The following ERCC6L2 variants were observed in gnomAD, a reference collection of about 807,000 sequenced individuals.
ERCC6L2 encodes ERCC excision repair 6 like 2, also known as DNA excision repair protein ERCC-6-like 2.
ERCC6L2 carries 77 observed loss-of-function variants against 132.0 expected under a neutral mutation model. The observed-to-expected ratio is 0.58, with a 90% CI of 0.49 to 0.71. ERCC6L2 has a LOEUF of 0.71. ERCC6L2 is among the 30% of genes least tolerant of loss of function. ERCC6L2 has a pLI of 0.00. For missense variants in ERCC6L2, 1,542 were observed against 1,837.6 expected, an observed-to-expected ratio of 0.84 and a Z score of 2.94; for synonymous variants, 583 against 632.4, an observed-to-expected ratio of 0.92 and a Z score of 1.17.
intron 2 of ERCC6L2, 127 bp downstream of exon 2, chr9:95,881,420 T>C (rs1827587179): frequency 3.0e-6 from 2 of 658,792 alleles, no homozygotes; most frequent in South Asian, 9.2e-5. Flanking sequence ...TTTGTGTTTG[T>C]CTCACTAACT....
chr9:96,009,428 T>G (rs1436621296), intron 18 of ERCC6L2, among the ~76,000 whole-genome samples: 1 of 152,252 alleles, frequency 6.6e-6, no homozygotes, highest in Non-Finnish European at 1.5e-5. Flanking sequence ...AATGAAGTGT[T>G]CAGTCCTCCT....
In ERCC6L2 at chr9:95,923,369, G is replaced by GA. The variant is rs773562442; in HGVS notation, c.1528dup (p.Met510AsnfsTer17). 2.5e-6 allele frequency: 4 copies of GA among 1,612,776 alleles called. No individual in the cohort carries two copies. Among genetic ancestry groups the GA allele is most frequent in the Non-Finnish European group, 3.4e-6 (4 of 1,179,340 alleles). ...ACACTTTCTGACCCTAAATACAGTG[G>GA]AAAAATGAAGGTAAGTGCTCCTCTT... On this transcript the variant is annotated frameshift_variant, in exon 9 of 19. Transcript: ENST00000653738. LOFTEE classifies it high-confidence loss of function.
chr9:95,899,708 G>C (rs1360893111), intron 3 of ERCC6L2, among the ~76,000 whole-genome samples: 1 of 151,034 alleles, frequency 6.6e-6, no homozygotes, highest in African/African-American at 2.4e-5. Context: ...TGTGGGATTG[G>C]TTCCAGGACC....
chr9:96,026,193 G>A (rs191160160), intron 19 of ERCC6L2, among the ~76,000 whole-genome samples: 1 of 152,346 alleles, frequency 6.6e-6, no homozygotes, highest in Non-Finnish European at 1.5e-5. Flanking sequence ...CATGAAGCAA[G>A]CTAGAAAACT....
At chr9:95,964,110 T>C (rs957865881) in intron 13 of ERCC6L2, among the ~76,000 whole-genome samples, 1 of 152,180 alleles carries the variant, frequency 6.6e-6, no homozygotes, top group Non-Finnish European at 1.5e-5. Flanking sequence ...GCTACCACTA[T>C]AATGGTTGTC....
In ERCC6L2 at chr9:95,992,475, C is replaced by G. The variant is rs78538717; in HGVS notation, c.3493-12045C>G. ...TCTCTGTGTGAAAATGTTACTTTCT[C>G]TAATGCATAACCAAAGAAAGCATGT... On this transcript the variant is annotated intron_variant, in intron 17 of 18. Coordinates refer to ENST00000653738, the MANE Select transcript of ERCC6L2 (RefSeq NM_020207.7). Among the ~76,000 whole-genome samples the G allele has an allele frequency of 6.0e-3, 915 of 152,220 alleles. 9 individuals are homozygous for G. Among genetic ancestry groups the G allele is most frequent in the African/African-American group, 0.021 (870 of 41,524 alleles).
intron 12 of ERCC6L2, among the ~76,000 whole-genome samples, chr9:95,955,127 C>G (rs1170559503): frequency 6.6e-6 from 1 of 152,106 alleles, no homozygotes; most frequent in South Asian, 2.1e-4. Context: ...GGGAATAGAC[C>G]TATAGTTAAA....
intron 17 of ERCC6L2, among the ~76,000 whole-genome samples, chr9:95,983,620 A>G (rs1162943179): frequency 6.6e-6 from 1 of 152,194 alleles, no homozygotes; most frequent in Non-Finnish European, 1.5e-5. Flanking sequence ...CCATAGTATC[A>G]ATTGGACATG....
chr9:95,932,604 A>G (rs976423474), intron 11 of ERCC6L2, among the ~76,000 whole-genome samples: 1 of 152,210 alleles, frequency 6.6e-6, no homozygotes, highest in Non-Finnish European at 1.5e-5. Context: ...CACCCTATCC[A>G]TAAACATGGT....
chr9:95,950,104 G>T (rs1000459530), intron 12 of ERCC6L2, among the ~76,000 whole-genome samples: 1 of 151,492 alleles, frequency 6.6e-6, no homozygotes, highest in Non-Finnish European at 1.5e-5. Flanking sequence ...AAAAGATAAA[G>T]ATCTCCAGTT....
intron 17 of ERCC6L2, among the ~76,000 whole-genome samples, chr9:95,998,502 C>A (rs746152905): frequency 6.6e-6 from 1 of 152,176 alleles, no homozygotes; most frequent in Non-Finnish European, 1.5e-5. Flanking sequence ...TCTGGATAGG[C>A]CCAATCTAAT....
At chr9:95,988,687 A>G (rs758954925) in intron 17 of ERCC6L2, among the ~76,000 whole-genome samples, 7 of 152,222 alleles carry the variant, frequency 4.6e-5, no homozygotes, top group African/African-American at 9.6e-5. Context: ...TCACCCCACA[A>G]CAGTCAACAC....
downstream of ERCC6L2, chr9:96,021,534 C>T (rs186603507): frequency 5.7e-4 from 97 of 171,212 alleles, 2 homozygotes; most frequent in East Asian, 7.0e-3. This position sits in a 1 kb window ranked among gnomAD's most constrained non-coding sequence, Gnocchi z 4.7. Flanking sequence ...TAGCGACGGG[C>T]AGGAAGGGGA....
intron 11 of ERCC6L2, 97 bp downstream of exon 11, chr9:95,928,961 A>C: frequency 1.1e-6 from 1 of 923,812 alleles, no homozygotes; most frequent in Non-Finnish European, 1.5e-6. Context: ...TTTAATGGCT[A>C]TGCTTATTTA....
intron 2 of ERCC6L2, among the ~76,000 whole-genome samples, chr9:95,896,773 T>G (rs1442529876): frequency 2.6e-5 from 4 of 152,222 alleles, no homozygotes; most frequent in African/African-American, 4.8e-5. Context: ...TCTGGCTGCT[T>G]TTAACAAACA....
chr9:95,989,630 A>T (rs1833222045), intron 17 of ERCC6L2, among the ~76,000 whole-genome samples: 1 of 152,232 alleles, frequency 6.6e-6, no homozygotes, highest in Admixed American at 6.5e-5. Context: ...AAACAATCAA[A>T]GTAATTTCAA....
intron 17 of ERCC6L2, among the ~76,000 whole-genome samples, chr9:95,988,342 C>T (rs1273424316): frequency 6.6e-6 from 1 of 152,194 alleles, no homozygotes; most frequent in Non-Finnish European, 1.5e-5. Flanking sequence ...AGGATCTGTT[C>T]TCACCGCTTT....
At chr9:95,938,550 T>C (rs1830659853) in intron 11 of ERCC6L2, among the ~76,000 whole-genome samples, 1 of 152,164 alleles carries the variant, frequency 6.6e-6, no homozygotes, top group Non-Finnish European at 1.5e-5. Flanking sequence ...TTTGGCAGAT[T>C]GATCTTTTTG....
At chr9:96,012,204 T>C in intron 18 of ERCC6L2, 21 bp from the exon 19 acceptor site, 1 of 1,211,924 alleles carries the variant, frequency 8.3e-7, no homozygotes, top group Non-Finnish European at 1.1e-6. Flanking sequence ...TAACCACTAG[T>C]TTTGTTCATT....
Sources: allele counts gnomAD v4.1 joint callset (sites outside exome capture counted in the v4.1 genomes callset), GRCh38; gene constraint gnomAD v4.1.1; non-coding constraint Gnocchi (gnomAD v3.1); transcripts MANE v1.5; gene names NCBI Gene and HGNC (gene_info 2026-07-23, HGNC 2026-07-21).